SPAG6: variants seen among roughly 807,000 people sequenced by gnomAD.
SPAG6 encodes sperm-associated antigen 6.
SPAG6 carries 49 observed loss-of-function variants against 58.5 expected under a neutral mutation model. That is an observed-to-expected ratio of 0.84 (90% CI 0.67 to 1.06). SPAG6 has a LOEUF of 1.06. Ranked by LOEUF, SPAG6 falls within the 50% of genes least tolerant of loss-of-function variation. The pLI is 0.00. For missense variants in SPAG6, 560 were observed against 611.3 expected (o/e 0.92, Z 0.89); for synonymous variants, 233 against 225.6 (o/e 1.03, Z -0.29).
At chr10:22,360,126 A>G (rs932393732) in intron 2 of SPAG6, among the ~76,000 whole-genome samples, 2 of 152,114 alleles carry the variant, frequency 1.3e-5, no homozygotes, top group Non-Finnish European at 2.9e-5. Flanking sequence ...GATTGTCTTG[A>G]GGCTATTTTA....
chr10:22,414,272 A>T (rs143035514), intron 10 of SPAG6, among the ~76,000 whole-genome samples: 1 of 152,294 alleles, frequency 6.6e-6, no homozygotes, highest in Admixed American at 6.5e-5. Context: ...GATAAGGTTA[A>T]TTCGCTTACA....
intron 4 of SPAG6, among the ~76,000 whole-genome samples, chr10:22,382,698 C>T (rs1267458606): frequency 6.6e-6 from 1 of 152,006 alleles, no homozygotes; most frequent in Non-Finnish European, 1.5e-5. Flanking sequence ...ATATATTCCA[C>T]CATCTTTTAA....
intron 8 of SPAG6, among the ~76,000 whole-genome samples, chr10:22,400,140 A>C (rs1834376261): frequency 6.6e-6 from 1 of 152,170 alleles, no homozygotes; most frequent in Non-Finnish European, 1.5e-5. Context: ...TGAAAATCAC[A>C]ATGCTCCTTG....
intron 8 of SPAG6, among the ~76,000 whole-genome samples, chr10:22,400,517 AG>A (rs1834387539): frequency 6.6e-6 from 1 of 151,852 alleles, no homozygotes; most frequent in African/African-American, 2.4e-5. Context: ...AGGAGGGGGT[AG>A]AAATGGTACA....
rs747001348 is a variant in SPAG6 at position 22,386,907 on chromosome 10, G to T, written c.626G>T (p.Gly209Val). The T allele has an allele frequency of 1.2e-6, 2 of 1,613,798 alleles. No homozygotes were observed. The highest frequency in any genetic ancestry group is 8.5e-7 in the Non-Finnish European group (1 of 1,179,798). Residue 209 changes from glycine to valine, a missense_variant, in exon 5 of 11, where the codon GGA (glycine) becomes GTA (valine). Transcript: ENST00000376624. ...TTAGCACAGACAGTAGTGGATGCAGGAGCTGTTGCTCATTTAGCCCAGATG... is the reference window on the plus strand; with the variant it reads ...TTAGCACAGACAGTAGTGGATGCAGTAGCTGTTGCTCATTTAGCCCAGATG... The part of the protein sequence containing the change: ...PELAQTVVDA[G>V]AVAHLAQMIL...
chr10:22,391,860 T>G lies in SPAG6; in HGVS notation c.1137T>G (p.Thr379=). The change falls in exon 8 of 11, where the codon ACT becomes ACG. Residue 379 remains threonine (T), a synonymous_variant. Coordinates refer to ENST00000376624, the MANE Select transcript of SPAG6 (RefSeq NM_012443.4). ...EHARAVAVTN[T]LPVLLSLYMS... is the part of the protein sequence containing the mutation. ...CACGGGCTGTTGCAGTCACAAATAC[T>G]TTGCCAGTTCTGCTTTCTTTGTACA... The G allele has an allele frequency of 6.2e-7, 1 of 1,613,502 alleles. No homozygotes were observed. The highest frequency in any genetic ancestry group is 8.5e-7 in the Non-Finnish European group (1 of 1,179,712).
intron 9 of SPAG6, among the ~76,000 whole-genome samples, chr10:22,407,782 A>T (rs1259168591): frequency 6.6e-6 from 1 of 151,990 alleles, no homozygotes; most frequent in African/African-American, 2.4e-5. Flanking sequence ...CACCAATCAG[A>T]CGTAGATTTG....
intron 8 of SPAG6, among the ~76,000 whole-genome samples, chr10:22,398,767 A>G (rs556950404): frequency 6.6e-6 from 1 of 152,280 alleles, no homozygotes; most frequent in Non-Finnish European, 1.5e-5. Context: ...ATGAAAAGAC[A>G]AGCCACACAA....
In SPAG6 at chr10:22,414,083, C is replaced by T. The variant is rs565668001; in HGVS notation, c.1461-2536C>T. On this transcript the variant is annotated intron_variant, in intron 10 of 10. Transcript: ENST00000376624. ...CCTAAGTTCTGGGCCTGGCTTACTC[C>T]ACAGCCATAAGGTGTTTTTGAATTC... 1.4e-4 allele frequency among the ~76,000 whole-genome samples: 22 copies of T among 152,216 alleles called. No individual in the cohort carries two copies. The South Asian group carries it at 4.6e-3, about 32-fold the overall frequency.
Position 22,396,733 on chromosome 10 carries a change from G to A in SPAG6, c.1198-4428G>A, listed in dbSNP as rs117712993. 7.6e-3 allele frequency among the ~76,000 whole-genome samples: 1,149 copies of A among 152,184 alleles called. 7 individuals carry two copies. The highest frequency in any genetic ancestry group is 0.011 in the Non-Finnish European group (724 of 68,026). On this transcript the variant is annotated intron_variant, in intron 8 of 10. Transcript: ENST00000376624. ...AAAAAAAATAGTGTTGTTACTTACT[G>A]TGGTTTTTCCAATAGCCCTAATCAG...
At chr10:22,362,616 A>C (rs1047605571) in intron 2 of SPAG6, among the ~76,000 whole-genome samples, 1 of 151,896 alleles carries the variant, frequency 6.6e-6, no homozygotes, top group African/African-American at 2.4e-5. Context: ...CAGTGAACTC[A>C]GTTATTTGTG....
At chr10:22,368,990 G>T (rs1232053002) in intron 4 of SPAG6, among the ~76,000 whole-genome samples, 1 of 152,106 alleles carries the variant, frequency 6.6e-6, no homozygotes, top group Non-Finnish European at 1.5e-5. Context: ...CAGTTATTAG[G>T]TTGGTGCATA....
intron 9 of SPAG6, among the ~76,000 whole-genome samples, chr10:22,410,390 G>A (rs757189232): frequency 6.6e-6 from 1 of 152,128 alleles, no homozygotes; most frequent in East Asian, 1.9e-4. Context: ...TGGTAAGCAC[G>A]TGGATGGTGG....
chr10:22,414,457 ATAAC>A (rs1222806292), intron 10 of SPAG6, among the ~76,000 whole-genome samples: 3 of 152,180 alleles, frequency 2.0e-5, no homozygotes, highest in African/African-American at 7.2e-5. Flanking sequence ...ACTACTTACT[ATAAC>A]TAACTATTAC....
rs753834797 is a variant in SPAG6 at position 22,346,045 on chromosome 10, A to C, written c.121+227A>C. ...CCCTGTTTCCATCTTCATTGCACACAGGCAAGTGTCAGGTTGAAAGTCGAG... is the reference window on the plus strand; with the variant it reads ...CCCTGTTTCCATCTTCATTGCACACCGGCAAGTGTCAGGTTGAAAGTCGAG... On this transcript the variant is annotated intron_variant, in intron 2 of 10. Coordinates refer to ENST00000376624, the MANE Select transcript of SPAG6 (RefSeq NM_012443.4). 54 of 1,537,858 alleles carry C rather than the reference A, an allele frequency of 3.5e-5. 2 individuals carry two copies. The South Asian group carries it at 6.5e-4, about 19-fold the overall frequency.
chr10:22,393,279 C>T (rs754855056), intron 8 of SPAG6, among the ~76,000 whole-genome samples: 6 of 152,102 alleles, frequency 3.9e-5, no homozygotes, highest in Non-Finnish European at 7.4e-5. Flanking sequence ...TCCTGCCACC[C>T]TCCTGAGTTT....
intron 8 of SPAG6, among the ~76,000 whole-genome samples, chr10:22,398,078 T>C (rs1470826394): frequency 6.6e-6 from 1 of 152,266 alleles, no homozygotes; most frequent in African/African-American, 2.4e-5. Flanking sequence ...TGGAATTGAA[T>C]TGAGAATCTG....
chr10:22,364,367 G>A (rs1837133434), intron 2 of SPAG6, among the ~76,000 whole-genome samples: 1 of 152,154 alleles, frequency 6.6e-6, no homozygotes, highest in Non-Finnish European at 1.5e-5. Flanking sequence ...TACCTACTAT[G>A]CATTCAACCC....
At position 22,345,560 on chromosome 10, in the gene SPAG6, C is replaced by T; in HGVS notation, c.-52C>T. On this transcript the variant is annotated 5_prime_UTR_variant, in exon 1 of 11. Transcript: ENST00000376624. This position sits in a 1 kb window ranked among gnomAD's most constrained non-coding sequence, Gnocchi z 6.3. ...ATCGCCCCCTTGGTGGACTCGCAGG[C>T]CGAGCGGCTTCCCCGCAGAGCTCGA... 1 of 1,476,916 alleles carries T rather than the reference C, an allele frequency of 6.8e-7. No homozygotes were observed. The highest frequency in any genetic ancestry group is 9.1e-7 in the Non-Finnish European group (1 of 1,099,430). The allele number at this position is 1,476,916 out of a possible 1,614,324, so 91.5% of individuals were successfully genotyped here.
Sources: gnomAD v4.1 joint callset for allele counts (sites outside exome capture counted in the v4.1 genomes callset) on GRCh38, gnomAD v4.1.1 for gene constraint, Gnocchi (gnomAD v3.1) non-coding constraint, MANE v1.5 for transcripts, NCBI Gene and HGNC (gene_info 2026-07-23, HGNC 2026-07-21) for gene names.